Variants in HARS2 observed in about 807,000 individuals in gnomAD.
HARS2 encodes histidine--tRNA ligase, mitochondrial.
A neutral mutation model predicts 62.4 loss-of-function variants in HARS2; 40 were observed. The observed-to-expected ratio is 0.64, with a 90% confidence interval of 0.50 to 0.83. HARS2 has a LOEUF of 0.83. HARS2 is among the 40% of genes least tolerant of loss of function. HARS2 has a pLI of 0.00. For missense variants in HARS2, 569 were observed against 626.4 expected (o/e 0.91, Z 0.98); for synonymous variants, 228 against 227.0 (o/e 1.00, Z -0.04).
chr5:140,693,432 T>C, intron 1 of HARS2, 159 bp from the exon 2 acceptor site: 1 of 1,425,146 alleles, frequency 7.0e-7, no homozygotes, highest in Non-Finnish European at 9.7e-7. Flanking sequence ...ACATAGATTC[T>C]TTGGGGTGGG....
intron 11 of HARS2, 56 bp from the exon 12 acceptor site, chr5:140,697,876 G>A (rs1468011250): frequency 1.9e-6 from 3 of 1,573,688 alleles, no homozygotes; most frequent in African/African-American, 2.7e-5. Context: ...CCATGTTCCT[G>A]AGGTTTGTTG....
intron 4 of HARS2, among the ~76,000 whole-genome samples, chr5:140,695,214 C>G (rs185019919): frequency 2.0e-4 from 30 of 152,252 alleles, no homozygotes; most frequent in Admixed American, 1.0e-3. Flanking sequence ...TGAGATGGTT[C>G]GGAATCGATC....
intron 2 of HARS2, 66 bp downstream of exon 2, chr5:140,693,731 C>G: frequency 7.5e-7 from 1 of 1,325,042 alleles, no homozygotes. Flanking sequence ...CCTTGCATGT[C>G]TCTCTGACCC....
chr5:140,693,994 T>A lies in HARS2; in HGVS notation c.243T>A (p.Val81=). The A allele has an allele frequency of 6.2e-7, 1 of 1,614,074 alleles. No individual in the cohort carries two copies. Among genetic ancestry groups the A allele is most frequent in the Middle Eastern group, 1.6e-4 (1 of 6,062 alleles). ...TGAGGGAGAAAATTCTTGATTTGGT[T>A]ATCAGCTGCTTTAAACGTCATGGAG... ...MVVREKILDL[V]ISCFKRHGAK... Residue 81 remains valine (V), a synonymous_variant, in exon 3 of 13, where the codon GTT becomes GTA. Coordinates refer to ENST00000230771, the MANE Select transcript of HARS2 (RefSeq NM_012208.4).
At chr5:140,697,486 C>T in intron 10 of HARS2, 80 bp downstream of exon 10, 1 of 1,605,898 alleles carries the variant, frequency 6.2e-7, no homozygotes, top group Non-Finnish European at 8.5e-7. Context: ...GAGTGGTTTT[C>T]TGATGATTCT....
At chr5:140,695,913 A>G in intron 6 of HARS2, 68 bp downstream of exon 6, 2 of 1,231,358 alleles carry the variant, frequency 1.6e-6, no homozygotes, top group Non-Finnish European at 2.4e-6. Context: ...GCAAGTCCCA[A>G]ACTTGGGTGA....
At chr5:140,694,835 A>T (rs1380297315) in intron 4 of HARS2, among the ~76,000 whole-genome samples, 1 of 152,112 alleles carries the variant, frequency 6.6e-6, no homozygotes, top group Non-Finnish European at 1.5e-5. Flanking sequence ...AATCCCAGCT[A>T]CTAGGGAGGC....
In HARS2 at chr5:140,691,744, T is replaced by C; in HGVS notation, c.96T>C (p.Arg32=). 1 of 1,550,822 alleles carries C rather than the reference T, an allele frequency of 6.4e-7. No homozygotes were observed. The highest frequency in any genetic ancestry group is 8.7e-7 in the Non-Finnish European group (1 of 1,146,310). Residue 32 remains arginine, a synonymous_variant, in exon 1 of 13, where the codon CGT becomes CGC. Transcript: ENST00000230771. Reference sequence around the variant, plus strand: ...GCGCTTCGTGCACCGGGGCGGTCCGTTGCCAAAGCCAGGTGAGCGAGACAG... The same window carrying C: ...GCGCTTCGTGCACCGGGGCGGTCCGCTGCCAAAGCCAGGTGAGCGAGACAG... ...PPCASCTGAV[R]CQSQVAEAVL...
Position 140,691,485 on chromosome 5 carries a change from G to A in HARS2, c.-164G>A. The A allele has an allele frequency of 1.4e-6, 1 of 713,010 alleles. No individual in the cohort carries two copies. The highest frequency in any genetic ancestry group is 2.4e-6 in the Non-Finnish European group (1 of 414,102). 44.2% of individuals were successfully genotyped at this position (713,010 alleles called of 1,614,324 possible). On this transcript the variant is annotated 5_prime_UTR_variant, in exon 1 of 13. Coordinates refer to ENST00000230771, the MANE Select transcript of HARS2 (RefSeq NM_012208.4). ...AGCTGGCTACTAAGGGAACTTGGGAGGATCCCACCTCAGCCTTCGTGACTA... is the reference window on the plus strand; with the variant it reads ...AGCTGGCTACTAAGGGAACTTGGGAAGATCCCACCTCAGCCTTCGTGACTA...
Position 140,699,168 on chromosome 5 carries a change from C to T in HARS2, c.*616C>T, listed in dbSNP as rs1759884427. ...CTTGAACATTGAACTTAATAGATGA[C>T]TTGACAAGGTAGAGATCTGATATTT... On this transcript the variant is annotated 3_prime_UTR_variant, in exon 13 of 13. Coordinates refer to ENST00000230771, the MANE Select transcript of HARS2 (RefSeq NM_012208.4). The T allele has an allele frequency of 1.2e-5, 2 of 163,306 alleles. No homozygotes were observed. The highest frequency in any genetic ancestry group is 1.1e-4 in the Admixed American group (2 of 17,800). The allele number at this position is 163,306 out of a possible 1,614,324, so 10.1% of individuals were successfully genotyped here. A position where few individuals can be genotyped will look rare whatever the true frequency, so the allele number is the denominator to read the frequency against.
Position 140,697,942 on chromosome 5 carries a change from T to G in HARS2, c.1325T>G (p.Leu442Arg). 1 of 1,613,932 alleles carries G rather than the reference T, an allele frequency of 6.2e-7. No homozygotes were observed. Among genetic ancestry groups the G allele is most frequent in the Admixed American group, 1.7e-5 (1 of 60,026 alleles). Reference protein sequence around the residue: ...LWDSGIKAEMLYKNNPKLLTQ... With the variant: ...LWDSGIKAEMRYKNNPKLLTQ... ...CTTGATCCTTTTCAGGCAGAGATGC[T>G]ATACAAGAACAACCCCAAACTATTA... Residue 442 changes from leucine to arginine, a missense_variant, in exon 12 of 13, where the codon CTA (leucine) becomes CGA (arginine). Physicochemically the swap from Leu to Arg is moderately radical, Grantham distance 102. Coordinates refer to ENST00000230771, the MANE Select transcript of HARS2 (RefSeq NM_012208.4).
chr5:140,697,751 A>G (rs1042389330), intron 11 of HARS2, 66 bp downstream of exon 11: 25 of 1,306,314 alleles, frequency 1.9e-5, no homozygotes, highest in South Asian at 5.9e-5. Context: ...GGCTATATCT[A>G]TCTTATGTCT....
rs1159943552 is a variant in HARS2, at chr5:140,697,394, G to A, written c.1185G>A (p.Glu395=). The A allele has an allele frequency of 1.2e-6, 2 of 1,613,898 alleles. No individual in the cohort carries two copies. The highest frequency in any genetic ancestry group is 1.1e-5 in the South Asian group (1 of 91,088). Residue 395 remains glutamate (E), a synonymous_variant, in exon 10 of 13, where the codon GAG becomes GAA. Coordinates refer to ENST00000230771, the MANE Select transcript of HARS2 (RefSeq NM_012208.4). ...IGVERIFYIV[E]QRMKTKGEKV... is the part of the protein sequence containing the mutation. The stretch of plus-strand genomic sequence containing the variant: ...TTGAGCGAATCTTCTACATTGTGGA[G>A]CAGAGGATGAAGGTAGGTCCTAGAT...
chr5:140,694,329 G>A (rs778395061), intron 4 of HARS2, 49 bp downstream of exon 4: 58 of 1,331,956 alleles, frequency 4.4e-5, no homozygotes, highest in African/African-American at 7.2e-5. Flanking sequence ...CAAATCCAGC[G>A]GGCTTTCTCT....
At position 140,691,521 on chromosome 5, in the gene HARS2, C is replaced by T. The variant is rs1759459118; in HGVS notation, c.-128C>T. 3.9e-6 allele frequency: 3 copies of T among 773,906 alleles called. No homozygotes were observed. The highest frequency in any genetic ancestry group is 3.5e-4 in the Middle Eastern group (1 of 2,882). 47.9% of individuals were successfully genotyped at this position (773,906 alleles called of 1,614,324 possible). On this transcript the variant is annotated 5_prime_UTR_variant, in exon 1 of 13. Coordinates refer to ENST00000230771, the MANE Select transcript of HARS2 (RefSeq NM_012208.4). ...CAGCCTTCGTGACTAGTGAGGTGCG[C>T]AAACGCCCGAGTTTTCCCTGGTGCG...
In HARS2 at chr5:140,693,629, T is replaced by C. The variant is rs748344231; in HGVS notation, c.147T>C (p.His49=). Residue 49 remains histidine, a synonymous_variant, in exon 2 of 13, where the codon CAT becomes CAC. Transcript: ENST00000230771. ...EAVLTSQLKA[H]QEKPNFIIKT... ...TGTTAACATCCCAACTGAAAGCACA[T>C]CAAGAGAAACCAAATTTTATTATCA... 6.2e-7 allele frequency: 1 copy of C among 1,614,090 alleles called. No individual in the cohort carries two copies. Among genetic ancestry groups the C allele is most frequent in the South Asian group, 1.1e-5 (1 of 91,080 alleles).
intron 1 of HARS2, among the ~76,000 whole-genome samples, chr5:140,692,732 A>C (rs771349833): frequency 1.5e-4 from 23 of 152,028 alleles, no homozygotes; most frequent in Non-Finnish European, 7.4e-5. Context: ...GTATCTACTA[A>C]AAATACAAAA....
At chr5:140,697,755 T>A in intron 11 of HARS2, 70 bp downstream of exon 11, 1 of 1,307,266 alleles carries the variant, frequency 7.6e-7, no homozygotes, top group Non-Finnish European at 1.1e-6. Flanking sequence ...ATATCTATCT[T>A]ATGTCTGGGG....
Position 140,691,544 on chromosome 5 carries a change from G to A in HARS2, c.-105G>A. 1 of 823,674 alleles carries A rather than the reference G, an allele frequency of 1.2e-6. No individual in the cohort carries two copies. Among genetic ancestry groups the A allele is most frequent in the East Asian group, 2.7e-5 (1 of 37,604 alleles). The allele number at this position is 823,674 out of a possible 1,614,324, so 51.0% of individuals were successfully genotyped here. A position where few individuals can be genotyped will look rare whatever the true frequency, so the allele number is the denominator to read the frequency against. On this transcript the variant is annotated 5_prime_UTR_variant, in exon 1 of 13. Transcript: ENST00000230771. ...CGCAAACGCCCGAGTTTTCCCTGGT[G>A]CGCGGGTTCCGCCTTTGCAGTGCCC... is the stretch of plus-strand genomic sequence containing the variant.
Sources: gnomAD v4.1 joint callset for allele counts (sites outside exome capture counted in the v4.1 genomes callset) on GRCh38, gnomAD v4.1.1 for gene constraint, MANE v1.5 for transcripts, NCBI Gene and HGNC (gene_info 2026-07-23, HGNC 2026-07-21) for gene names.